Variants in NEDD4 observed in about 807,000 individuals in gnomAD.
NEDD4 encodes the protein NEDD4 E3 ubiquitin protein ligase.
NEDD4 carries 99 observed loss-of-function variants against 144.9 expected under a neutral mutation model. The observed-to-expected ratio is 0.68, with a 90% CI of 0.58 to 0.81. NEDD4 has a LOEUF of 0.81. Among genes scored for constraint, NEDD4 ranks in the 30% least tolerant of loss-of-function variants. NEDD4 has a pLI of 0.00. For synonymous variants in NEDD4, 318 were observed against 350.6 expected (o/e 0.91, Z 1.04); for missense variants, 985 against 1,065.9 (o/e 0.92, Z 1.06).
chr15:55,829,714 C>T lies in NEDD4; in HGVS notation c.*183G>A, dbSNP rs1422845666. 9.4e-6 allele frequency: 5 copies of T among 530,608 alleles called. No individual in the cohort carries two copies. Among genetic ancestry groups the T allele is most frequent in the Non-Finnish European group, 1.7e-5 (5 of 300,088 alleles). The allele number at this position is 530,608 out of a possible 1,614,324, so 32.9% of individuals were successfully genotyped here. On this transcript the variant is annotated 3_prime_UTR_variant, in exon 29 of 29. Coordinates refer to ENST00000435532, the MANE Select transcript of NEDD4 (RefSeq NM_006154.4). ...ATGAAACAACTGTGTAAATGCAACACATTATTTAAAAGTGATTAAAAATAA... is the reference window on the plus strand; with the variant it reads ...ATGAAACAACTGTGTAAATGCAACATATTATTTAAAAGTGATTAAAAATAA...
intron 14 of NEDD4, 31 bp from the exon 15 acceptor site, chr15:55,848,917 C>A (rs200826776): frequency 7.8e-6 from 12 of 1,532,380 alleles, no homozygotes; most frequent in Non-Finnish European, 1.1e-5. Flanking sequence ...AAGAACAATA[C>A]ACACAAATTT....
At chr15:55,913,280 C>T (rs796628542) in intron 5 of NEDD4, among the ~76,000 whole-genome samples, 18 of 152,096 alleles carry the variant, frequency 1.2e-4, no homozygotes, top group African/African-American at 4.3e-4. Flanking sequence ...ATTTTGGGAG[C>T]TGTTTATTTA....
intron 27 of NEDD4, among the ~76,000 whole-genome samples, chr15:55,832,261 C>G (rs1463514202): frequency 4.6e-5 from 7 of 150,812 alleles, no homozygotes; most frequent in Non-Finnish European, 5.9e-5. Flanking sequence ...AGTAAAGGTT[C>G]TACAGAAGTC....
At chr15:55,956,806 A>C (rs566126138) in intron 2 of NEDD4, among the ~76,000 whole-genome samples, 2 of 152,140 alleles carry the variant, frequency 1.3e-5, no homozygotes, top group Non-Finnish European at 2.9e-5. Context: ...TTTCCATACA[A>C]ATATTGAAAT....
At chr15:55,933,150 T>C (rs1039035346) in intron 4 of NEDD4, among the ~76,000 whole-genome samples, 1 of 152,012 alleles carries the variant, frequency 6.6e-6, no homozygotes, top group Non-Finnish European at 1.5e-5. Context: ...GAACTAGAAA[T>C]ACCATTTGAC....
At chr15:55,864,157 C>CAGTA (rs1203326494) in intron 8 of NEDD4, among the ~76,000 whole-genome samples, 2 of 152,042 alleles carry the variant, frequency 1.3e-5, no homozygotes, top group African/African-American at 4.8e-5. Context: ...AAAGAAAAGG[C>CAGTA]AGTAGGTCAA....
At chr15:55,991,312 G>A (rs1224423211) in intron 1 of NEDD4, among the ~76,000 whole-genome samples, 1 of 152,128 alleles carries the variant, frequency 6.6e-6, no homozygotes, top group Non-Finnish European at 1.5e-5. Flanking sequence ...GGAGGATGGG[G>A]GAGTGTGGTT....
At chr15:55,871,579 A>G (rs1351719273) in intron 7 of NEDD4, among the ~76,000 whole-genome samples, 2 of 152,232 alleles carry the variant, frequency 1.3e-5, no homozygotes, top group African/African-American at 4.8e-5. Flanking sequence ...CCAGACATCT[A>G]CAGAAATTAA....
intron 5 of NEDD4, among the ~76,000 whole-genome samples, chr15:55,923,480 T>C (rs1347954108): frequency 6.6e-6 from 1 of 151,782 alleles, no homozygotes; most frequent in Non-Finnish European, 1.5e-5. Context: ...ACCCCATCTC[T>C]ACTAAAATTC....
At chr15:55,941,231 T>C (rs1473727333) in intron 4 of NEDD4, among the ~76,000 whole-genome samples, 9 of 152,174 alleles carry the variant, frequency 5.9e-5, no homozygotes, top group African/African-American at 2.2e-4. Context: ...TCTTGTCCAT[T>C]GATTTCCACT....
At chr15:55,840,543 G>C in intron 20 of NEDD4, 26 bp from the exon 21 acceptor site, 1 of 1,613,600 alleles carries the variant, frequency 6.2e-7, no homozygotes. Context: ...ATACATTTAG[G>C]ATGATTACCA....
At chr15:55,837,050 T>A (rs1315894165) in intron 24 of NEDD4, among the ~76,000 whole-genome samples, 4 of 152,344 alleles carry the variant, frequency 2.6e-5, no homozygotes, top group African/African-American at 4.8e-5. Context: ...AGTAACTTTT[T>A]AATTTATATT....
chr15:55,876,913 C>T (rs191111685), intron 5 of NEDD4, among the ~76,000 whole-genome samples: 1 of 149,738 alleles, frequency 6.7e-6, no homozygotes, highest in Admixed American at 6.7e-5. Context: ...CCATCTTACG[C>T]AGGATGGTCT....
chr15:55,857,857 T>C (rs2034257086), intron 11 of NEDD4, among the ~76,000 whole-genome samples: 1 of 152,114 alleles, frequency 6.6e-6, no homozygotes, highest in Non-Finnish European at 1.5e-5. Flanking sequence ...GGAGAATCCC[T>C]TGAGCCCAGA....
intron 5 of NEDD4, among the ~76,000 whole-genome samples, chr15:55,913,089 G>A (rs776650019): frequency 7.9e-5 from 12 of 152,070 alleles, no homozygotes; most frequent in Non-Finnish European, 1.5e-4. Flanking sequence ...AAGAAAAGAA[G>A]TTGTAGACTC....
rs1339654563 is a variant in NEDD4, at chr15:55,901,343, G to A, written c.291+23303C>T. Reference sequence around the variant, plus strand: ...ATCAAAGAAACAAGAGTTCGTTTTAGAACTACCAATTATTGGATATTCAAT... The same window carrying A: ...ATCAAAGAAACAAGAGTTCGTTTTAAAACTACCAATTATTGGATATTCAAT... On this transcript the variant is annotated intron_variant, in intron 5 of 28. Transcript: ENST00000435532. 2.6e-5 allele frequency among the ~76,000 whole-genome samples: 4 copies of A among 152,092 alleles called. No individual in the cohort carries two copies. The East Asian group carries it at 5.8e-4, about 22-fold the overall frequency.
At chr15:55,983,668 G>C (rs1028650142) in intron 1 of NEDD4, among the ~76,000 whole-genome samples, 6 of 149,624 alleles carry the variant, frequency 4.0e-5, no homozygotes, top group African/African-American at 1.2e-4. Context: ...CTGGAGTGCA[G>C]TGGCGCAGTC....
At chr15:55,942,374 T>A (rs1257254238) in intron 4 of NEDD4, among the ~76,000 whole-genome samples, 1 of 152,198 alleles carries the variant, frequency 6.6e-6, no homozygotes, top group African/African-American at 2.4e-5. Flanking sequence ...AAATCTCATG[T>A]CAAATTGTAA....
intron 5 of NEDD4, chr15:55,915,955 A>G (rs2036427052): frequency 1.2e-6 from 2 of 1,613,802 alleles, no homozygotes; most frequent in East Asian, 2.2e-5. Context: ...GAAGTTTGAT[A>G]GGATCCTTTG....
Sources: gnomAD v4.1 joint callset for allele counts (sites outside exome capture counted in the v4.1 genomes callset) on GRCh38, gnomAD v4.1.1 for gene constraint, MANE v1.5 for transcripts, NCBI Gene and HGNC (gene_info 2026-07-23, HGNC 2026-07-21) for gene names.